LCK: variants seen among roughly 807,000 people sequenced by gnomAD.
The protein encoded by LCK is tyrosine-protein kinase Lck.
LCK carries 14 observed loss-of-function variants against 64.6 expected under a neutral mutation model. The ratio of observed to expected loss-of-function variants is 0.22; its 90% confidence interval spans 0.14 to 0.34. LCK has a LOEUF of 0.34. Ranked by LOEUF, LCK falls within the 10% of genes least tolerant of loss-of-function variation. The pLI is 1.00. For synonymous variants in LCK, 277 were observed against 263.6 expected, an observed-to-expected ratio of 1.05 and a Z score of -0.49; for missense variants, 434 against 668.1, an observed-to-expected ratio of 0.65 and a Z score of 3.86.
intron 1 of LCK, among the ~76,000 whole-genome samples, chr1:32,266,615 C>A (rs1569927051): frequency 6.7e-6 from 1 of 148,248 alleles, no homozygotes; most frequent in Non-Finnish European, 1.5e-5. Context: ...GCCACCACCA[C>A]CTCCTCTCCT....
At position 32,280,443 on chromosome 1, in the gene LCK, C is replaced by CTTT. The variant is rs770430504; in HGVS notation, c.1327+261_1327+263dup. Among the ~76,000 whole-genome samples, 52 of 84,756 alleles carry CTTT rather than the reference C, an allele frequency of 6.1e-4. 2 individuals carry two copies. The highest frequency in any genetic ancestry group is 2.0e-3 in the African/African-American group (36 of 18,262). 55.6% of individuals were successfully genotyped at this position (84,756 alleles called of 152,430 possible). A position where few individuals can be genotyped will look rare whatever the true frequency, so the allele number is the denominator to read the frequency against. ...TTTCTTTTTCTCTTTTTTTCTTTTT[C>CTTT]TTTTTTTTTTTTTTTTTTTTTTTTT... On this transcript the variant is annotated intron_variant, in intron 12 of 12. Coordinates refer to ENST00000336890, the MANE Select transcript of LCK (RefSeq NM_005356.5).
chr1:32,272,771 GGTGTGTGGGGGTGCCT>G (rs781228615), intron 1 of LCK, among the ~76,000 whole-genome samples: 1 of 151,076 alleles, frequency 6.6e-6, no homozygotes, highest in African/African-American at 2.4e-5. Flanking sequence ...TGTGTGTGGG[GGTGTGTGGGGGTGCCT>G]GTGTGTGGGT....
intron 1 of LCK, among the ~76,000 whole-genome samples, chr1:32,265,494 G>A (rs1639885000): frequency 6.6e-6 from 1 of 152,202 alleles, no homozygotes; most frequent in South Asian, 2.1e-4. Flanking sequence ...TAGCTGGGGG[G>A]CCATAGAGGA....
chr1:32,274,988 T>A lies in LCK; in HGVS notation c.188-5T>A. ...GGTTCTCCCTGATGCCCCTTGTCTT[T>A]ACAGACAACCTGGTTATCGCTCTGC... On this transcript the variant is annotated splice_polypyrimidine_tract_variant and splice_region_variant and intron_variant, in intron 3 of 12. Transcript: ENST00000336890. 6.2e-7 allele frequency: 1 copy of A among 1,614,190 alleles called. No homozygotes were observed.
intron 1 of LCK, among the ~76,000 whole-genome samples, chr1:32,272,873 T>C (rs1388560041): frequency 7.0e-6 from 1 of 142,388 alleles, no homozygotes; most frequent in Non-Finnish European, 1.5e-5. Flanking sequence ...AAGGTGAGTG[T>C]GTGGATGTGT....
At chr1:32,259,297 A>AAAAAG (rs1553151864) in intron 1 of LCK, among the ~76,000 whole-genome samples, 19 of 150,250 alleles carry the variant, frequency 1.3e-4, no homozygotes, top group Middle Eastern at 3.2e-3. Context: ...GGTAAAAAAA[A>AAAAAG]AAAAAGAAAA....
At position 32,279,879 on chromosome 1, in the gene LCK, T is replaced by C. The variant is rs1379700432; in HGVS notation, c.1080T>C (p.Tyr360=). The C allele has an allele frequency of 6.2e-7, 1 of 1,614,228 alleles. No individual in the cohort carries two copies. Among genetic ancestry groups the C allele is most frequent in the Non-Finnish European group, 8.5e-7 (1 of 1,180,048 alleles). The part of the protein sequence containing the change: ...EGMAFIEERN[Y]IHRDLRAANI... ...TGGCATTCATTGAAGAGCGGAATTA[T>C]ATTCATCGTGACCTTCGGGCTGCCA... The change falls in exon 11 of 13, where the codon TAT becomes TAC. Residue 360 remains tyrosine, a synonymous_variant. Coordinates refer to ENST00000336890, the MANE Select transcript of LCK (RefSeq NM_005356.5).
At chr1:32,253,991 C>T (rs142953091) in intron 1 of LCK, among the ~76,000 whole-genome samples, 3 of 152,218 alleles carry the variant, frequency 2.0e-5, no homozygotes, top group East Asian at 1.9e-4. Context: ...CACACACCCA[C>T]GAGCTGATGG....
rs920960473 is a variant in LCK at position 32,251,635 on chromosome 1, T to C, written c.-6+264T>C. Among the ~76,000 whole-genome samples the C allele has an allele frequency of 2.0e-5, 3 of 152,104 alleles. No homozygotes were observed. Among genetic ancestry groups the C allele is most frequent in the Non-Finnish European group, 4.4e-5 (3 of 68,002 alleles). On this transcript the variant is annotated intron_variant, in intron 1 of 12. Transcript: ENST00000336890. This position sits in a 1 kb window ranked among gnomAD's most constrained non-coding sequence, Gnocchi z 4.0. Reference sequence around the variant, plus strand: ...GCGTGTTTCCTGGACACCAGGCACATGGACAGTCAGGTGTTAAAAAGGCTT... The same window carrying C: ...GCGTGTTTCCTGGACACCAGGCACACGGACAGTCAGGTGTTAAAAAGGCTT...
At chr1:32,274,868 T>A (rs746649722) in intron 3 of LCK, 50 bp downstream of exon 3, 1 of 1,613,884 alleles carries the variant, frequency 6.2e-7, no homozygotes, top group South Asian at 1.1e-5. Flanking sequence ...GATCCCTGGC[T>A]GTTGGCTTCC....
intron 1 of LCK, among the ~76,000 whole-genome samples, chr1:32,267,665 G>A (rs1639959886): frequency 6.6e-6 from 1 of 152,080 alleles, no homozygotes; most frequent in African/African-American, 2.4e-5. Flanking sequence ...AGAGGCCGAG[G>A]CGGGCAGATC....
intron 1 of LCK, among the ~76,000 whole-genome samples, chr1:32,261,128 A>G (rs962573193): frequency 4.0e-5 from 6 of 151,624 alleles, no homozygotes; most frequent in Non-Finnish European, 8.8e-5. Context: ...GTGCAGTGGT[A>G]TAATCACGGC....
intron 1 of LCK, among the ~76,000 whole-genome samples, chr1:32,270,785 C>G (rs769491942): frequency 9.7e-5 from 14 of 145,044 alleles, no homozygotes; most frequent in Non-Finnish European, 2.1e-4. Context: ...CTCACTGCAA[C>G]CTCTACCTCC....
At position 32,275,724 on chromosome 1, in the gene LCK, G is replaced by GA; in HGVS notation, c.481+53dup. Reference sequence around the variant, plus strand: ...CGCGGGGGTGCCCCGGGGTGTGCCCGAGGGGGGGCGCAGGGTGAGCCCGAG... The same window carrying GA: ...CGCGGGGGTGCCCCGGGGTGTGCCCGAAGGGGGGGCGCAGGGTGAGCCCGAG... On this transcript the variant is annotated intron_variant, in intron 6 of 12. Transcript: ENST00000336890. This position sits in a 1 kb window ranked among gnomAD's most constrained non-coding sequence, Gnocchi z 6.9. 1 of 1,490,720 alleles carries GA rather than the reference G, an allele frequency of 6.7e-7. No homozygotes were observed. The highest frequency in any genetic ancestry group is 1.4e-5 in the African/African-American group (1 of 72,256). The allele number at this position is 1,490,720 out of a possible 1,614,324, so 92.3% of individuals were successfully genotyped here.
In LCK at chr1:32,275,038, G is replaced by A. The variant is rs762005602; in HGVS notation, c.233G>A (p.Gly78Glu). 3.5e-5 allele frequency: 56 copies of A among 1,614,048 alleles called. No homozygotes were observed. Among genetic ancestry groups the A allele is most frequent in the Non-Finnish European group, 1.1e-5 (13 of 1,180,026 alleles). Residue 78 changes from glycine to glutamate, a missense_variant, in exon 4 of 13, where the codon GGA (glycine) becomes GAA (glutamate). Transcript: ENST00000336890. This position sits in a 1 kb window ranked among gnomAD's most constrained non-coding sequence, Gnocchi z 6.9. ...ALHSYEPSHDGDLGFEKGEQL... is the reference protein window; with the variant it reads ...ALHSYEPSHDEDLGFEKGEQL... Reference sequence around the variant, plus strand: ...CACAGCTATGAGCCCTCTCACGACGGAGATCTGGGCTTTGAGAAGGGGGAA... The same window carrying A: ...CACAGCTATGAGCCCTCTCACGACGAAGATCTGGGCTTTGAGAAGGGGGAA...
intron 12 of LCK, among the ~76,000 whole-genome samples, chr1:32,283,872 C>T (rs1032942611): frequency 6.6e-6 from 1 of 151,908 alleles, no homozygotes; most frequent in Admixed American, 6.6e-5. Flanking sequence ...CCCAGGTGCC[C>T]TTTATTATTT....
At chr1:32,253,227 T>A (rs1639550285) in intron 1 of LCK, among the ~76,000 whole-genome samples, 1 of 152,106 alleles carries the variant, frequency 6.6e-6, no homozygotes, top group Non-Finnish European at 1.5e-5. Context: ...TAGCCGAGCG[T>A]GGTGGCAGGT....
In LCK at chr1:32,285,930, A is replaced by G; in HGVS notation, c.*214A>G. On this transcript the variant is annotated 3_prime_UTR_variant, in exon 13 of 13. Coordinates refer to ENST00000336890, the MANE Select transcript of LCK (RefSeq NM_005356.5). ...TTGTACATGTGTAGCCTGTGCATGT[A>G]TGTCTTGGACACTGTACAAGGTACC... The G allele has an allele frequency of 1.7e-6, 1 of 600,274 alleles. No individual in the cohort carries two copies. The highest frequency in any genetic ancestry group is 3.0e-6 in the Non-Finnish European group (1 of 337,266). 37.2% of individuals were successfully genotyped at this position (600,274 alleles called of 1,614,324 possible).
chr1:32,276,078 A>T lies in LCK; in HGVS notation c.631+15A>T, dbSNP rs762480163. On this transcript the variant is annotated intron_variant, in intron 7 of 12. Coordinates refer to ENST00000336890, the MANE Select transcript of LCK (RefSeq NM_005356.5). This position sits in a 1 kb window ranked among gnomAD's most constrained non-coding sequence, Gnocchi z 4.6. ...CCATTACACCAGTGAGCCCGACGGG[A>T]CCCCTCCCCCGTGCCCTATCAGCCT... is the stretch of plus-strand genomic sequence containing the variant. 1.2e-6 allele frequency: 2 copies of T among 1,612,160 alleles called. No homozygotes were observed. The highest frequency in any genetic ancestry group is 1.7e-6 in the Non-Finnish European group (2 of 1,179,562).
Sources: gnomAD v4.1 joint callset for allele counts (sites outside exome capture counted in the v4.1 genomes callset) on GRCh38, gnomAD v4.1.1 for gene constraint, Gnocchi (gnomAD v3.1) non-coding constraint, MANE v1.5 for transcripts, NCBI Gene and HGNC (gene_info 2026-07-23, HGNC 2026-07-21) for gene names.